The following TCF20 variants were observed in gnomAD, a reference collection of about 807,000 sequenced individuals.
TCF20 encodes SPRE-binding protein.
TCF20 carries 3 observed loss-of-function variants against 148.6 expected under a neutral mutation model. The observed-to-expected ratio is 0.02, with a 90% CI of 0.01 to 0.05. The LOEUF is 0.05. Among genes scored for constraint, TCF20 ranks in the 10% least tolerant of loss-of-function variants. The probability of loss-of-function intolerance (pLI) is 1.00; values close to 1 mark genes in which losing one functional copy is unlikely to be tolerated. For synonymous variants in TCF20, 1,049 were observed against 909.5 expected (o/e 1.15, Z -2.76); for missense variants, 2,350 against 2,429.3 (o/e 0.97, Z 0.69).
At chr22:42,232,899 T>A (rs1253202324) in intron 1 of TCF20, among the ~76,000 whole-genome samples, 1 of 151,774 alleles carries the variant, frequency 6.6e-6, no homozygotes. Flanking sequence ...TTTTATTGAG[T>A]GTTTAAATTA....
chr22:42,243,726 G>A (rs962178024), intron 1 of TCF20, among the ~76,000 whole-genome samples: 8 of 152,136 alleles, frequency 5.3e-5, no homozygotes, highest in African/African-American at 1.9e-4. Context: ...TGGAACCTAT[G>A]GTTGGATTGA....
chr22:42,214,829 A>T lies in TCF20; in HGVS notation c.477T>A (p.Pro159=). The T allele has an allele frequency of 6.2e-7, 1 of 1,614,092 alleles. No individual in the cohort carries two copies. Among genetic ancestry groups the T allele is most frequent in the South Asian group, 1.1e-5 (1 of 91,080 alleles). ...GGTACTGAGCACTCCCTGGAGAGAA[A>T]GGCCCAGTGTAATCCTGCTGATAAT... ...VSHYQQDYTG[P]FSPGSAQYQQ... is the part of the protein sequence containing the mutation. Residue 159 remains proline (P), a synonymous_variant, in exon 2 of 6, where the codon CCT becomes CCA. Coordinates refer to ENST00000677622, the MANE Select transcript of TCF20 (RefSeq NM_001378418.1).
At position 42,299,556 on chromosome 22, in the gene TCF20, G is replaced by A. The variant is rs1451865744; in HGVS notation, c.-37+43923C>T. Among the ~76,000 whole-genome samples the A allele has an allele frequency of 3.3e-5, 5 of 152,208 alleles. No homozygotes were observed. Among genetic ancestry groups the A allele is most frequent in the Non-Finnish European group, 7.3e-5 (5 of 68,036 alleles). On this transcript the variant is annotated intron_variant, in intron 1 of 1. Transcript: ENST00000515426. The surrounding 1 kb of genome is among the most constrained non-coding windows in gnomAD (Gnocchi z 4.1). ...AACCCCGAGGAACTGGAATGGGGGTGGAGGGGAATCACATGTCCCACTGGT... is the reference window on the plus strand; with the variant it reads ...AACCCCGAGGAACTGGAATGGGGGTAGAGGGGAATCACATGTCCCACTGGT...
chr22:42,241,182 CGTT>C (rs1183167307), intron 1 of TCF20, among the ~76,000 whole-genome samples: 7 of 152,144 alleles, frequency 4.6e-5, no homozygotes, highest in African/African-American at 1.4e-4. Flanking sequence ...AAATGATCCT[CGTT>C]GGCTAGTGCC....
rs1348956179 is a variant in TCF20 at position 42,168,733 on chromosome 22, G to A, written c.5803C>T (p.Pro1935Ser). ...AAGGGGGGGAGAGGGCACGGAAGGG[G>A]AGGCTGACACGGGCAAAACCAAGAG... ...FSVRCPKHKPPLPCPLPPLQN... is the reference protein window; with the variant it reads ...FSVRCPKHKPSLPCPLPPLQN... The change falls in exon 5 of 6, where the codon CCC becomes TCC. Residue 1935 changes from proline (P) to serine (S), a missense_variant. By Grantham distance (74) the Pro-to-Ser change is moderately conservative. Transcript: ENST00000677622. 6.2e-7 allele frequency: 1 copy of A among 1,609,076 alleles called. No homozygotes were observed. Among genetic ancestry groups the A allele is most frequent in the African/African-American group, 1.3e-5 (1 of 74,940 alleles).
chr22:42,340,107 C>A (rs1257500488), intron 1 of TCF20, among the ~76,000 whole-genome samples: 1 of 152,148 alleles, frequency 6.6e-6, no homozygotes, highest in Non-Finnish European at 1.5e-5. Context: ...AAGGATGAAC[C>A]TTTCCTTACC....
intron 2 of TCF20, among the ~76,000 whole-genome samples, chr22:42,194,210 G>A (rs576553345): frequency 4.6e-5 from 7 of 152,304 alleles, no homozygotes; most frequent in African/African-American, 1.7e-4. Flanking sequence ...TTCTGGAGCT[G>A]AGCAACAAGA....
chr22:42,318,009 C>T (rs1352421750), intron 1 of TCF20, among the ~76,000 whole-genome samples: 3 of 152,110 alleles, frequency 2.0e-5, no homozygotes, highest in African/African-American at 4.8e-5. Context: ...TGCACAGGGG[C>T]GTGTGCCCAG....
intron 1 of TCF20, among the ~76,000 whole-genome samples, chr22:42,218,616 T>C (rs1922038489): frequency 6.6e-6 from 1 of 152,230 alleles, no homozygotes; most frequent in African/African-American, 2.4e-5. Flanking sequence ...CTATGTTACA[T>C]GTTGTTTAAT....
intron 1 of TCF20, among the ~76,000 whole-genome samples, chr22:42,326,399 G>A (rs746680094): frequency 7.2e-5 from 11 of 152,150 alleles, no homozygotes; most frequent in Non-Finnish European, 1.3e-4. Context: ...TTCCCATCTC[G>A]GCTGGGGCCC....
intron 5 of TCF20, among the ~76,000 whole-genome samples, chr22:42,163,907 C>T (rs1935616032): frequency 6.6e-6 from 1 of 152,212 alleles, no homozygotes; most frequent in South Asian, 2.1e-4. Flanking sequence ...CCTTCTCGCT[C>T]ACACTGTCCT....
Position 42,338,439 on chromosome 22 carries a change from C to T in TCF20, c.-37+5040G>A, listed in dbSNP as rs1179091937. The stretch of plus-strand genomic sequence containing the variant: ...GTCGGGAGGGGGGTGCCCAGGGGGC[C>T]TCAGCAGAGCCCCGTCCCTCCCGGC... On this transcript the variant is annotated intron_variant, in intron 1 of 1. Transcript: ENST00000515426. The surrounding 1 kb of genome is among the most constrained non-coding windows in gnomAD (Gnocchi z 4.0). Among the ~76,000 whole-genome samples the T allele has an allele frequency of 6.6e-6, 1 of 152,232 alleles. No homozygotes were observed. Among genetic ancestry groups the T allele is most frequent in the Non-Finnish European group, 1.5e-5 (1 of 68,048 alleles).
intron 5 of TCF20, among the ~76,000 whole-genome samples, chr22:42,165,921 C>A (rs1163407405): frequency 6.6e-6 from 1 of 152,228 alleles, no homozygotes; most frequent in African/African-American, 2.4e-5. Flanking sequence ...CACTAGGAGG[C>A]AGACACACAC....
chr22:42,171,936 G>A (rs1315101452), intron 3 of TCF20, among the ~76,000 whole-genome samples: 1 of 152,240 alleles, frequency 6.6e-6, no homozygotes, highest in Non-Finnish European at 1.5e-5. Context: ...CACGGCCACA[G>A]AACAGTGACC....
intron 1 of TCF20, among the ~76,000 whole-genome samples, chr22:42,300,550 C>T (rs1168626474): frequency 1.3e-5 from 2 of 152,176 alleles, no homozygotes; most frequent in Admixed American, 6.5e-5. Flanking sequence ...TTCAGGGACA[C>T]ACACAGTGAG....
At chr22:42,313,281 A>T (rs1927568780) in intron 1 of TCF20, among the ~76,000 whole-genome samples, 1 of 152,218 alleles carries the variant, frequency 6.6e-6, no homozygotes, top group African/African-American at 2.4e-5. Context: ...CTGACCCCAT[A>T]GCATGGACAA....
chr22:42,240,148 C>A (rs2147306760), intron 1 of TCF20, among the ~76,000 whole-genome samples: 1 of 152,246 alleles, frequency 6.6e-6, no homozygotes, highest in South Asian at 2.1e-4. Context: ...GAGGTAGGTA[C>A]AATTATTATT....
intron 1 of TCF20, among the ~76,000 whole-genome samples, chr22:42,308,264 G>T (rs74585995): frequency 6.6e-6 from 1 of 152,100 alleles, no homozygotes; most frequent in Non-Finnish European, 1.5e-5. Context: ...CCCCTTGGAC[G>T]TGAAGCAAGT....
At chr22:42,189,712 T>TC (rs1422579593) in intron 2 of TCF20, among the ~76,000 whole-genome samples, 2 of 152,210 alleles carry the variant, frequency 1.3e-5, no homozygotes, top group African/African-American at 4.8e-5. Context: ...TAGCAAGCTT[T>TC]TTTTCCGTAT....
Sources: allele counts gnomAD v4.1 joint callset (sites outside exome capture counted in the v4.1 genomes callset), GRCh38; gene constraint gnomAD v4.1.1; non-coding constraint Gnocchi (gnomAD v3.1); transcripts MANE v1.5; gene names NCBI Gene and HGNC (gene_info 2026-07-23, HGNC 2026-07-21).